Variants in KCNJ3 observed in about 807,000 individuals in gnomAD.
KCNJ3 encodes the protein potassium inwardly rectifying channel subfamily J member 3, also known as G protein-activated inward rectifier potassium channel 1.
A neutral mutation model predicts 39.2 loss-of-function variants in KCNJ3; 4 were observed. The observed-to-expected ratio is 0.10, with a 90% confidence interval of 0.05 to 0.23. The LOEUF (loss-of-function observed/expected upper bound fraction) is 0.23, where lower values mean the gene tolerates loss of function less well. Ranked by LOEUF, KCNJ3 falls within the 10% of genes least tolerant of loss-of-function variation. The probability of loss-of-function intolerance (pLI) is 1.00; values close to 1 mark genes in which losing one functional copy is unlikely to be tolerated. For missense variants in KCNJ3, 276 were observed against 634.9 expected (o/e 0.43, Z 6.08); for synonymous variants, 230 against 237.4 (o/e 0.97, Z 0.29).
At chr2:154,736,658 A>G (rs955479218) in intron 2 of KCNJ3, among the ~76,000 whole-genome samples, 19 of 152,278 alleles carry the variant, frequency 1.2e-4, no homozygotes, top group African/African-American at 4.1e-4. Flanking sequence ...TTAAAAGTAT[A>G]TATATGAAAG....
At chr2:154,786,538 T>A (rs1440028800) in intron 2 of KCNJ3, among the ~76,000 whole-genome samples, 1 of 152,214 alleles carries the variant, frequency 6.6e-6, no homozygotes, top group African/African-American at 2.4e-5. Context: ...ACTCGCCATG[T>A]TGTTTTCAGT....
chr2:154,848,172 T>G (rs1687692550), intron 2 of KCNJ3, among the ~76,000 whole-genome samples: 1 of 152,184 alleles, frequency 6.6e-6, no homozygotes, highest in Admixed American at 6.6e-5. Flanking sequence ...TGGTGTAATA[T>G]GCTTCACTAA....
chr2:154,700,323 C>G (rs1684866180), intron 1 of KCNJ3, among the ~76,000 whole-genome samples: 1 of 152,162 alleles, frequency 6.6e-6, no homozygotes, highest in Admixed American at 6.5e-5. Context: ...GTTATTAAAG[C>G]AAGGTCCGTC....
intron 2 of KCNJ3, among the ~76,000 whole-genome samples, chr2:154,729,541 T>C (rs1574437971): frequency 6.6e-6 from 1 of 152,272 alleles, no homozygotes; most frequent in African/African-American, 2.4e-5. Flanking sequence ...ATTTAGGCCT[T>C]CTTGTTGTTG....
intron 2 of KCNJ3, among the ~76,000 whole-genome samples, chr2:154,790,100 T>C (rs1314040377): frequency 6.6e-6 from 1 of 152,130 alleles, no homozygotes; most frequent in African/African-American, 2.4e-5. Flanking sequence ...ATGATCTTAC[T>C]TCTTTGTCGT....
At chr2:154,734,676 A>G (rs908292963) in intron 2 of KCNJ3, among the ~76,000 whole-genome samples, 18 of 152,190 alleles carry the variant, frequency 1.2e-4, no homozygotes, top group African/African-American at 4.3e-4. Flanking sequence ...CCAGTTTTGT[A>G]AGAAAGAGAA....
At chr2:154,704,727 C>G (rs915670071) in intron 1 of KCNJ3, among the ~76,000 whole-genome samples, 1 of 152,160 alleles carries the variant, frequency 6.6e-6, no homozygotes, top group Non-Finnish European at 1.5e-5. Context: ...AAAGCCATTG[C>G]CCTAACTGCT....
chr2:154,835,688 C>G (rs1687447703), intron 2 of KCNJ3, among the ~76,000 whole-genome samples: 1 of 151,910 alleles, frequency 6.6e-6, no homozygotes, highest in Non-Finnish European at 1.5e-5. Context: ...CCCAACCTTC[C>G]TCCTTTCTCT....
chr2:154,730,881 C>T (rs879649364), intron 2 of KCNJ3, among the ~76,000 whole-genome samples: 1 of 151,826 alleles, frequency 6.6e-6, no homozygotes, highest in African/African-American at 2.4e-5. Context: ...ATAATTACTC[C>T]CTATTTGAAG....
At chr2:154,802,518 G>A (rs1323796666) in intron 2 of KCNJ3, among the ~76,000 whole-genome samples, 1 of 152,000 alleles carries the variant, frequency 6.6e-6, no homozygotes, top group Non-Finnish European at 1.5e-5. Flanking sequence ...AATCTGGGTT[G>A]CATGCTTTTA....
chr2:154,815,299 A>G (rs937898399), intron 2 of KCNJ3, among the ~76,000 whole-genome samples: 18 of 152,210 alleles, frequency 1.2e-4, no homozygotes, highest in African/African-American at 4.3e-4. Context: ...ATTCAGGTAT[A>G]GACAATACTC....
At chr2:154,774,348 G>T (rs543705274) in intron 2 of KCNJ3, among the ~76,000 whole-genome samples, 2 of 151,802 alleles carry the variant, frequency 1.3e-5, no homozygotes, top group African/African-American at 4.8e-5. Context: ...CTTGGATAAA[G>T]AAAGTTATGC....
At chr2:154,710,672 A>T (rs992770834) in intron 2 of KCNJ3, among the ~76,000 whole-genome samples, 6 of 152,074 alleles carry the variant, frequency 3.9e-5, no homozygotes, top group African/African-American at 1.4e-4. Context: ...TGCTTTCTAC[A>T]AGTACTGAGA....
At chr2:154,836,789 C>T (rs1687473482) in intron 2 of KCNJ3, among the ~76,000 whole-genome samples, 1 of 151,952 alleles carries the variant, frequency 6.6e-6, no homozygotes. Context: ...AGCATAGAAC[C>T]AGAACAACTG....
intron 2 of KCNJ3, among the ~76,000 whole-genome samples, chr2:154,764,235 A>T (rs1686094776): frequency 6.6e-6 from 1 of 152,180 alleles, no homozygotes; most frequent in Non-Finnish European, 1.5e-5. Context: ...AGGGGTGAAA[A>T]TATCTCTGAT....
At chr2:154,841,222 G>C (rs1307639767) in intron 2 of KCNJ3, among the ~76,000 whole-genome samples, 1 of 152,118 alleles carries the variant, frequency 6.6e-6, no homozygotes, top group Non-Finnish European at 1.5e-5. Flanking sequence ...TTCTGTTTAT[G>C]TGATGGATTA....
intron 2 of KCNJ3, among the ~76,000 whole-genome samples, chr2:154,820,890 A>T (rs1175637644): frequency 6.6e-6 from 1 of 152,180 alleles, no homozygotes; most frequent in Non-Finnish European, 1.5e-5. Flanking sequence ...TCTCCCTTTA[A>T]TTACCAACTT....
At chr2:154,819,386 TAATC>T (rs1267418125) in intron 2 of KCNJ3, among the ~76,000 whole-genome samples, 1 of 152,148 alleles carries the variant, frequency 6.6e-6, no homozygotes, top group Non-Finnish European at 1.5e-5. Flanking sequence ...CAGTGACAAA[TAATC>T]AATGCTTAAT....
chr2:154,709,752 C>A lies in KCNJ3; in HGVS notation c.852C>A (p.Ser284=), dbSNP rs749346762. ...IDAKSPFYDL[S]QRSMQTEQFE... is the part of the protein sequence containing the mutation. ...CCAAAAGCCCCTTTTATGACCTATC[C>A]CAGCGAAGCATGCAAACTGAACAGT... The change falls in exon 2 of 3, where the codon TCC becomes TCA. Residue 284 remains serine (S), a synonymous_variant. Coordinates refer to ENST00000295101, the MANE Select transcript of KCNJ3 (RefSeq NM_002239.4). 3 of 1,613,742 alleles carry A rather than the reference C, an allele frequency of 1.9e-6. No individual in the cohort carries two copies. In the South Asian group the frequency reaches 3.3e-5, roughly 18 times the overall value.
Sources: gnomAD v4.1 joint callset for allele counts (sites outside exome capture counted in the v4.1 genomes callset) on GRCh38, gnomAD v4.1.1 for gene constraint, MANE v1.5 for transcripts, NCBI Gene and HGNC (gene_info 2026-07-23, HGNC 2026-07-21) for gene names.